The following PLXNA3 variants were observed in gnomAD, a reference collection of about 807,000 sequenced individuals.
The protein encoded by PLXNA3 is plexin A3.
PLXNA3 carries 52 observed loss-of-function variants against 118.8 expected under a neutral mutation model. The ratio of observed to expected loss-of-function variants is 0.44; its 90% CI spans 0.35 to 0.55. The LOEUF is 0.55. PLXNA3 is among the 20% of genes least tolerant of loss of function. PLXNA3 has a pLI of 0.01. For synonymous variants in PLXNA3, 925 were observed against 762.4 expected, an observed-to-expected ratio of 1.21 and a Z score of -3.51; for missense variants, 1,660 against 1,730.8, an observed-to-expected ratio of 0.96 and a Z score of 0.73.
At position 154,476,969 on chromosome X, in the gene PLXNA3, G is replaced by A. The variant is rs371288470; in HGVS notation, c.*4284G>A. ...AGGGAAAGAACCCTGGATATCCACAGAGGCTCCCGTTCCAGTGTGCAGCGG... is the reference window on the plus strand; with the variant it reads ...AGGGAAAGAACCCTGGATATCCACAAAGGCTCCCGTTCCAGTGTGCAGCGG... On this transcript the variant is annotated 3_prime_UTR_variant, in exon 33 of 33. Transcript: ENST00000369682. The A allele has an allele frequency of 1.8e-5, 2 of 112,054 alleles. No homozygotes were observed. The highest frequency in any genetic ancestry group is 7.5e-4 in the South Asian group (2 of 2,679). 9.2% of individuals were successfully genotyped at this position (112,054 alleles called of 1,213,427 possible).
Position 154,458,321 on chromosome X carries a change from C to A in PLXNA3, c.-135C>A, listed in dbSNP as rs1397868966. ...GCGGCGGCGGCTGCGCGCTTGGGGCCCGGGGCGCGGGGCGAGGCCGTGGGG... is the reference window on the plus strand; with the variant it reads ...GCGGCGGCGGCTGCGCGCTTGGGGCACGGGGCGCGGGGCGAGGCCGTGGGG... On this transcript the variant is annotated 5_prime_UTR_variant, in exon 1 of 33. Transcript: ENST00000369682. 2 of 109,792 alleles carry A rather than the reference C, an allele frequency of 1.8e-5. No homozygotes were observed. The highest frequency in any genetic ancestry group is 3.8e-5 in the Non-Finnish European group (2 of 52,072). 9.0% of individuals were successfully genotyped at this position (109,792 alleles called of 1,213,427 possible).
rs372123075 is a variant in PLXNA3, at chrX:154,463,961, G to A, written c.1558G>A (p.Glu520Lys). The A allele has an allele frequency of 4.3e-5, 50 of 1,174,876 alleles. No homozygotes were observed. Among genetic ancestry groups the A allele is most frequent in the African/African-American group, 8.9e-5 (5 of 56,451 alleles). Residue 520 changes from glutamate to lysine, a missense_variant, in exon 7 of 33, where the codon GAA becomes AAA. Around this residue, in one of 2 missense-constraint regions of PLXNA3, gnomAD observed 791 missense variants for 652.1 expected, o/e 1.21. Transcript: ENST00000369682. ...CCCGACCCCGTGCAGGTGCTGCCGCGAAGGGGCCTGTCTGGGCGCCTCTGC... is the reference window on the plus strand; with the variant it reads ...CCCGACCCCGTGCAGGTGCTGCCGCAAAGGGGCCTGTCTGGGCGCCTCTGC... ...WCVLRHRCCR[E>K]GACLGASAPH...
intron 1 of PLXNA3, among the ~76,000 whole-genome samples, chrX:154,458,831 T>G (rs2068885656): frequency 8.9e-6 from 1 of 111,943 alleles, no homozygotes; most frequent in Non-Finnish European, 1.9e-5. Flanking sequence ...GCTGTACCTG[T>G]GATGCCCGAG....
At chrX:154,462,439 T>A in intron 4 of PLXNA3, 129 bp downstream of exon 4, 1 of 516,172 alleles carries the variant, frequency 1.9e-6, no homozygotes, top group Non-Finnish European at 2.8e-6. Context: ...GGAGGGAGAT[T>A]TCCCTGGCTG....
intron 2 of PLXNA3, 54 bp downstream of exon 2, chrX:154,460,831 A>G (rs2068939191): frequency 1.1e-5 from 10 of 892,990 alleles, no homozygotes; most frequent in Non-Finnish European, 1.5e-5. Flanking sequence ...TCTGCCTCCC[A>G]GAAGAGCCCT....
In PLXNA3 at chrX:154,464,499, G is replaced by C. The variant is rs782123504; in HGVS notation, c.1926G>C (p.Gln642His). 7 of 1,197,562 alleles carry C rather than the reference G, an allele frequency of 5.8e-6. No individual in the cohort carries two copies. The highest frequency in any genetic ancestry group is 3.0e-5 in the East Asian group (1 of 33,732). ...DFVFYNCSVL[Q>H]SCMSCVGSPY... ...TCTTCTACAACTGCAGCGTCCTCCAGTCGTGAGTACCTGGCCAGCACCCGT... is the reference window on the plus strand; with the variant it reads ...TCTTCTACAACTGCAGCGTCCTCCACTCGTGAGTACCTGGCCAGCACCCGT... The change falls in exon 9 of 33, where the codon CAG (glutamine) becomes CAC (histidine). Residue 642 changes from glutamine (Q) to histidine (H), a missense_variant and splice_region_variant. By Grantham distance (24) the Gln-to-His change is conservative. Transcript: ENST00000369682.
rs782533853 is a variant in PLXNA3, at chrX:154,460,111, C to G, written c.-27-46C>G. The G allele has an allele frequency of 6.7e-3, 4,880 of 724,215 alleles. 21 individuals are homozygous for G. The highest frequency in any genetic ancestry group is 8.9e-3 in the Non-Finnish European group (4,292 of 481,231). 59.7% of individuals were successfully genotyped at this position (724,215 alleles called of 1,213,427 possible). A position where few individuals can be genotyped will look rare whatever the true frequency, so the allele number is the denominator to read the frequency against. ...GGGGTGGTGGGTGAATGGCCCAGCC[C>G]TCTGTGGCTCGAGGCCTCTGACTCC... On this transcript the variant is annotated intron_variant, in intron 1 of 32. Transcript: ENST00000369682.
Position 154,477,295 on chromosome X carries a change from C to G in PLXNA3, c.*4610C>G, listed in dbSNP as rs782256565. The G allele has an allele frequency of 3.6e-5, 4 of 112,440 alleles. No individual in the cohort carries two copies. The South Asian group carries it at 1.5e-3, about 41-fold the overall frequency. 9.3% of individuals were successfully genotyped at this position (112,440 alleles called of 1,213,427 possible). On this transcript the variant is annotated 3_prime_UTR_variant, in exon 33 of 33. Transcript: ENST00000369682. ...AAGGATCAAACCATTTCCTTGTTTT[C>G]TGAGAATAAAAGCAGTTGTACCTCT...
At position 154,468,451 on chromosome X, in the gene PLXNA3, C is replaced by T. The variant is rs202189139; in HGVS notation, c.4112C>T (p.Ala1371Val). The T allele has an allele frequency of 1.8e-4, 212 of 1,210,269 alleles. No individual in the cohort carries two copies. Among genetic ancestry groups the T allele is most frequent in the Non-Finnish European group, 1.6e-4 (144 of 895,333 alleles). The stretch of plus-strand genomic sequence containing the variant: ...ACCGTGGCCTCGCTCACCATGGTGG[C>T]CCTGCAGAGCCGGCTCGACTATGCC... ...RGTVASLTMV[A>V]LQSRLDYATG... Residue 1371 changes from alanine to valine, a missense_variant, in exon 23 of 33, where the codon GCC becomes GTC. Ala to Val is a moderately conservative substitution (Grantham distance 64). Transcript: ENST00000369682.
At position 154,472,592 on chromosome X, in the gene PLXNA3, T is replaced by G. The variant is rs2069198307; in HGVS notation, c.5523T>G (p.Ile1841Met). Residue 1841 changes from isoleucine (I) to methionine (M), a missense_variant and splice_region_variant, in exon 33 of 33, where the codon ATT becomes ATG. By Grantham distance (10) the Ile-to-Met change is conservative (BLOSUM62 1). Transcript: ENST00000369682. ...TCCAGGGGACTCCTCTCCCCCAGAT[T>G]CTCACGGCTCTGGACCGAGATGCCT... Reference protein sequence around the residue: ...YFYVTKYRQEILTALDRDASC... With the variant: ...YFYVTKYRQEMLTALDRDASC... 1 of 1,195,978 alleles carries G rather than the reference T, an allele frequency of 8.4e-7. No homozygotes were observed. Among genetic ancestry groups the G allele is most frequent in the Admixed American group, 2.2e-5 (1 of 45,779 alleles).
rs2069127993 is a variant in PLXNA3 at position 154,468,345 on chromosome X, C to G, written c.4006C>G (p.Leu1336Val). Residue 1336 changes from leucine to valine, a missense_variant, in exon 23 of 33, where the codon CTG becomes GTG. Around this residue, in one of 2 missense-constraint regions of PLXNA3, gnomAD observed 869 missense variants for 1,078.7 expected, o/e 0.81. Transcript: ENST00000369682. ...VEKALRLFGQ[L>V]LHSRAFVLTF... ...GAAGGCCCTGCGCCTCTTCGGGCAG[C>G]TGCTGCACAGCCGCGCGTTCGTGCT... is the stretch of plus-strand genomic sequence containing the variant. 2 of 1,208,354 alleles carry G rather than the reference C, an allele frequency of 1.7e-6. 1 individual carries two copies. Among genetic ancestry groups the G allele is most frequent in the African/African-American group, 3.5e-5 (2 of 57,312 alleles).
Position 154,467,861 on chromosome X carries a change from G to C in PLXNA3, c.3680G>C (p.Gly1227Ala), listed in dbSNP as rs781915471. Residue 1227 changes from glycine to alanine, a missense_variant, in exon 21 of 33, where the codon GGG becomes GCG. Around this residue, in one of 2 missense-constraint regions of PLXNA3, gnomAD observed 869 missense variants for 1,078.7 expected, o/e 0.81. Transcript: ENST00000369682. The part of the protein sequence containing the change: ...TLPAMMGLAA[G>A]GGLLLLAITA... ...CCGGCCATGATGGGGCTGGCGGCGGGGGGTGGGCTCCTGCTGCTGGCCATC... is the reference window on the plus strand; with the variant it reads ...CCGGCCATGATGGGGCTGGCGGCGGCGGGTGGGCTCCTGCTGCTGGCCATC... 9.1e-6 allele frequency: 11 copies of C among 1,206,895 alleles called. No homozygotes were observed. Among genetic ancestry groups the C allele is most frequent in the Admixed American group, 2.2e-5 (1 of 45,866 alleles).
chrX:154,462,361 G>C (rs781825750), intron 4 of PLXNA3, 51 bp downstream of exon 4: 2 of 901,547 alleles, frequency 2.2e-6, no homozygotes, highest in South Asian at 2.8e-5. Flanking sequence ...CTCAGATATG[G>C]GACAAGGCTG....
chrX:154,472,480 G>A (rs916083233), intron 32 of PLXNA3, 110 bp from the exon 33 acceptor site: 5 of 531,855 alleles, frequency 9.4e-6, no homozygotes, highest in African/African-American at 2.3e-5. Context: ...GGGGGAGGAC[G>A]GAGGGATGAG....
intron 5 of PLXNA3, 30 bp downstream of exon 5, chrX:154,463,549 TG>T: frequency 1.5e-6 from 1 of 687,920 alleles, no homozygotes; most frequent in Non-Finnish European, 2.0e-6. Context: ...CGGTGGGTGG[TG>T]GGGCGGGGGT....
rs1301703115 is a variant in PLXNA3, at chrX:154,461,255, G to T, written c.751G>T (p.Asp251Tyr). 1 of 1,212,358 alleles carries T rather than the reference G, an allele frequency of 8.2e-7. No individual in the cohort carries two copies. Among genetic ancestry groups the T allele is most frequent in the Non-Finnish European group, 1.1e-6 (1 of 895,439 alleles). ...GCTGGACACCCAGCAGACGCTGTTGGACACAGCGGGCGAGAAATTTTTCAC... is the reference window on the plus strand; with the variant it reads ...GCTGGACACCCAGCAGACGCTGTTGTACACAGCGGGCGAGAAATTTTTCAC... ...LQLDTQQTLL[D>Y]TAGEKFFTSK... is the part of the protein sequence containing the mutation. The change falls in exon 3 of 33, where the codon GAC becomes TAC. Residue 251 changes from aspartate to tyrosine, a missense_variant. Asp to Tyr is a radical substitution (Grantham distance 160). Coordinates refer to ENST00000369682, the MANE Select transcript of PLXNA3 (RefSeq NM_017514.5).
chrX:154,471,376 T>A, intron 31 of PLXNA3, 59 bp downstream of exon 31: 1 of 1,157,543 alleles, frequency 8.6e-7, no homozygotes, highest in Non-Finnish European at 1.2e-6. Flanking sequence ...CTGGGCTGCC[T>A]GTGCGAGGCA....
At chrX:154,463,282 A>C in intron 4 of PLXNA3, 109 bp from the exon 5 acceptor site, 1 of 1,096,748 alleles carries the variant, frequency 9.1e-7, no homozygotes, top group Non-Finnish European at 1.3e-6. Context: ...GCTGAACCCC[A>C]CCAGGTCCTG....
chrX:154,477,700 A>ACC lies in PLXNA3; in HGVS notation c.*5024_*5025dup, dbSNP rs57974550. The stretch of plus-strand genomic sequence containing the variant: ...ACTCCTTGAATATCTGAATTCTAGA[A>ACC]CCCCCCCCCCAGCAACCCAAGCACA... On this transcript the variant is annotated 3_prime_UTR_variant, in exon 33 of 33. Coordinates refer to ENST00000369682, the MANE Select transcript of PLXNA3 (RefSeq NM_017514.5). The ACC allele has an allele frequency of 1.4e-3, 344 of 249,929 alleles. 2 individuals carry two copies. The highest frequency in any genetic ancestry group is 0.01 in the African/African-American group (298 of 29,789). The allele number at this position is 249,929 out of a possible 1,213,427, so 20.6% of individuals were successfully genotyped here. A position where few individuals can be genotyped will look rare whatever the true frequency, so the allele number is the denominator to read the frequency against.
Sources: allele counts gnomAD v4.1 joint callset (sites outside exome capture counted in the v4.1 genomes callset), GRCh38; gene constraint gnomAD v4.1.1; regional missense constraint gnomAD v4.1.1; transcripts MANE v1.5; gene names NCBI Gene and HGNC (gene_info 2026-07-23, HGNC 2026-07-21).